Variants in ABLIM1 observed in about 807,000 individuals in gnomAD.
The protein encoded by ABLIM1 is actin binding LIM protein 1.
Under a neutral mutation model 107.0 loss-of-function variants are expected in ABLIM1, and 40 were observed. That is an observed-to-expected ratio of 0.37 (90% CI 0.29 to 0.49). ABLIM1 has a LOEUF of 0.49. Ranked by LOEUF, ABLIM1 falls within the 20% of genes least tolerant of loss-of-function variation. ABLIM1 has a pLI of 0.97. For missense variants in ABLIM1, 857 were observed against 1,008.5 expected, an observed-to-expected ratio of 0.85 and a Z score of 2.04; for synonymous variants, 357 against 357.3, an observed-to-expected ratio of 1.00 and a Z score of 0.01.
At chr10:114,672,053 A>C in intron 1 of ABLIM1, among the ~76,000 whole-genome samples, 1 of 151,398 alleles carries the variant, frequency 6.6e-6, no homozygotes, top group East Asian at 1.9e-4. Context: ...ATTTATTTTT[A>C]ATTTTTTAGG....
At chr10:114,660,315 A>G (rs1476109793), upstream of ABLIM1, among the ~76,000 whole-genome samples, 2 of 152,248 alleles carry the variant, frequency 1.3e-5, no homozygotes, top group Non-Finnish European at 2.9e-5. Context: ...AATGAGGGTA[A>G]GGGATAAAAG....
chr10:114,768,864 T>C (rs532636172), upstream of ABLIM1, among the ~76,000 whole-genome samples: 1 of 151,978 alleles, frequency 6.6e-6, no homozygotes, highest in Non-Finnish European at 1.5e-5. Flanking sequence ...TTTCTATATG[T>C]CAGGATAAAA....
intron 1 of ABLIM1, among the ~76,000 whole-genome samples, chr10:114,705,512 GA>G (rs1415385832): frequency 6.6e-6 from 1 of 152,184 alleles, no homozygotes; most frequent in African/African-American, 2.4e-5. Flanking sequence ...ACAGTTTGCA[GA>G]GGCTTGACAT....
chr10:114,761,438 G>A (rs543692766), intron 1 of ABLIM1, among the ~76,000 whole-genome samples: 32 of 152,198 alleles, frequency 2.1e-4, no homozygotes, highest in Non-Finnish European at 4.0e-4. Flanking sequence ...CCAGGCTCTC[G>A]GCTCAGTCTG....
At chr10:114,454,152 A>G (rs1022342715) in intron 12 of ABLIM1, among the ~76,000 whole-genome samples, 1 of 152,188 alleles carries the variant, frequency 6.6e-6, no homozygotes, top group African/African-American at 2.4e-5. Context: ...ACCCAGGCCA[A>G]TGATTCAATC....
the ABLIM1 span, among the ~76,000 whole-genome samples, chr10:114,783,580 C>T: frequency 6.6e-6 from 1 of 151,478 alleles, no homozygotes; most frequent in African/African-American, 2.4e-5. Flanking sequence ...TAACATGTAA[C>T]GGTGGGATAG....
At chr10:114,660,519 G>A (rs534648596), upstream of ABLIM1, among the ~76,000 whole-genome samples, 5 of 151,546 alleles carry the variant, frequency 3.3e-5, no homozygotes, top group Non-Finnish European at 2.9e-5. Flanking sequence ...AAAAAAAACC[G>A]TATTTCCCAA....
chr10:114,546,794 T>A (rs2067404883), intron 5 of ABLIM1, among the ~76,000 whole-genome samples: 1 of 152,184 alleles, frequency 6.6e-6, no homozygotes, highest in African/African-American at 2.4e-5. Flanking sequence ...ATTTGTTTAT[T>A]TTTTGAGACA....
At chr10:114,621,325 T>A (rs972616251) in intron 1 of ABLIM1, among the ~76,000 whole-genome samples, 1 of 152,182 alleles carries the variant, frequency 6.6e-6, no homozygotes, top group African/African-American at 2.4e-5. Context: ...AGAAAGTGAG[T>A]GCTTTCAGGT....
chr10:114,575,069 CAT>C lies in ABLIM1; in HGVS notation c.563+345_563+346del, dbSNP rs138663782. 7.7e-3 allele frequency among the ~76,000 whole-genome samples: 1,172 copies of C among 152,324 alleles called. 14 individuals carry two copies. The highest frequency in any genetic ancestry group is 0.026 in the African/African-American group (1,096 of 41,556). On this transcript the variant is annotated intron_variant, in intron 3 of 22. Coordinates refer to ENST00000533213, the MANE Select transcript of ABLIM1 (RefSeq NM_002313.7). The stretch of plus-strand genomic sequence containing the variant: ...AAAGAGACCATTTTAAACACACACA[CAT>C]GCCTAGGAATTTATACTTCCAAATA...
chr10:114,471,401 C>G (rs1444518159), intron 10 of ABLIM1, among the ~76,000 whole-genome samples: 1 of 152,182 alleles, frequency 6.6e-6, no homozygotes, highest in East Asian at 1.9e-4. Flanking sequence ...CCACAGGGTC[C>G]AAGGCCAATC....
At chr10:114,638,929 G>C (rs568138655) in intron 1 of ABLIM1, among the ~76,000 whole-genome samples, 1 of 152,168 alleles carries the variant, frequency 6.6e-6, no homozygotes, top group Non-Finnish European at 1.5e-5. Context: ...GACTTCAAAA[G>C]TGCAGTGTAA....
intron 1 of ABLIM1, among the ~76,000 whole-genome samples, chr10:114,631,400 A>G (rs970483935): frequency 3.9e-5 from 6 of 152,190 alleles, no homozygotes; most frequent in African/African-American, 1.4e-4. Flanking sequence ...GTGAAATGAC[A>G]GGTTATACAC....
intron 11 of ABLIM1, among the ~76,000 whole-genome samples, chr10:114,466,224 C>T (rs748953956): frequency 1.3e-5 from 2 of 152,042 alleles, no homozygotes; most frequent in African/African-American, 2.4e-5. Context: ...TGCCTGCAGT[C>T]CCAGCTACTC....
chr10:114,627,557 T>C (rs956992225), intron 1 of ABLIM1, among the ~76,000 whole-genome samples: 1 of 152,064 alleles, frequency 6.6e-6, no homozygotes, highest in Non-Finnish European at 1.5e-5. Flanking sequence ...GATAACGGAA[T>C]AGGGAAGTTT....
intron 1 of ABLIM1, among the ~76,000 whole-genome samples, chr10:114,624,772 ATTTT>A (rs397702524): frequency 4.1e-4 from 60 of 145,440 alleles, no homozygotes; most frequent in Non-Finnish European, 7.5e-4. Context: ...ATTTGTTAAG[ATTTT>A]TTTTTTTTTT....
chr10:114,690,418 C>T (rs2081049813), intron 1 of ABLIM1: 1 of 1,604,152 alleles, frequency 6.2e-7, no homozygotes. Context: ...ATGGACTTGC[C>T]ACCAGTGCCA....
At chr10:114,678,963 C>A (rs773871029) in intron 1 of ABLIM1, among the ~76,000 whole-genome samples, 2 of 152,146 alleles carry the variant, frequency 1.3e-5, no homozygotes, top group Admixed American at 6.6e-5. Flanking sequence ...GAATTTATCA[C>A]CCCTCCTTAT....
chr10:114,550,734 G>A (rs1488348907), intron 4 of ABLIM1, among the ~76,000 whole-genome samples: 1 of 152,004 alleles, frequency 6.6e-6, no homozygotes, highest in African/African-American at 2.4e-5. Context: ...CCTAACTCCT[G>A]GAAACCACTG....
Sources: gnomAD v4.1 joint callset for allele counts (sites outside exome capture counted in the v4.1 genomes callset) on GRCh38, gnomAD v4.1.1 for gene constraint, MANE v1.5 for transcripts, NCBI Gene and HGNC (gene_info 2026-07-23, HGNC 2026-07-21) for gene names.